DCDC1: variants seen among roughly 807,000 people sequenced by gnomAD.
DCDC1 encodes doublecortin domain containing 1.
Under a neutral mutation model 178.3 loss-of-function variants are expected in DCDC1, and 200 were observed. The ratio of observed to expected loss-of-function variants is 1.12; its 90% CI spans 1.00 to 1.26. The LOEUF (loss-of-function observed/expected upper bound fraction) is 1.26, where lower values mean the gene tolerates loss of function less well. Ranked by LOEUF, DCDC1 falls within the 50% of genes most tolerant of loss-of-function variation. The pLI is 0.00. For missense variants in DCDC1, 1,983 were observed against 1,749.2 expected, an observed-to-expected ratio of 1.13 and a Z score of -2.38; for synonymous variants, 690 against 604.8, an observed-to-expected ratio of 1.14 and a Z score of -2.07.
At chr11:31,198,184 G>C (rs900760295) in intron 9 of DCDC1, among the ~76,000 whole-genome samples, 1 of 151,908 alleles carries the variant, frequency 6.6e-6, no homozygotes, top group African/African-American at 2.4e-5. Context: ...AAGTATATAT[G>C]TAAAGGGTTG....
chr11:31,087,570 T>C (rs2135630813), intron 17 of DCDC1, among the ~76,000 whole-genome samples: 1 of 152,270 alleles, frequency 6.6e-6, no homozygotes, highest in Admixed American at 6.5e-5. Context: ...TACTTGCTAA[T>C]TTCCATTTTG....
At chr11:31,243,150 A>G (rs554733693) in intron 8 of DCDC1, among the ~76,000 whole-genome samples, 1 of 151,896 alleles carries the variant, frequency 6.6e-6, no homozygotes, top group East Asian at 1.9e-4. Context: ...AATATTATAA[A>G]AGCAATAAAA....
intron 20 of DCDC1, among the ~76,000 whole-genome samples, chr11:31,055,269 C>A (rs1340108560): frequency 6.6e-6 from 1 of 152,140 alleles, no homozygotes; most frequent in Non-Finnish European, 1.5e-5. Context: ...AAATGCAAAT[C>A]AAAACCACAA....
At chr11:31,078,179 A>C (rs1403217296) in intron 17 of DCDC1, among the ~76,000 whole-genome samples, 1 of 152,222 alleles carries the variant, frequency 6.6e-6, no homozygotes, top group Non-Finnish European at 1.5e-5. Context: ...AACAGTGATC[A>C]AAAGTTTTAG....
chr11:31,362,874 C>T (rs914064345), intron 1 of DCDC1, among the ~76,000 whole-genome samples: 1 of 152,108 alleles, frequency 6.6e-6, no homozygotes, highest in Admixed American at 6.6e-5. Flanking sequence ...CTGTTTTTCT[C>T]AGTCTCTAAC....
intron 8 of DCDC1, chr11:31,263,103 T>C: frequency 6.2e-7 from 1 of 1,609,100 alleles, no homozygotes. Flanking sequence ...TGTTATACCA[T>C]ATTTGGGAGG....
intron 36 of DCDC1, among the ~76,000 whole-genome samples, chr11:30,892,463 ACTCTGT>A (rs1354935601): frequency 6.6e-6 from 1 of 152,034 alleles, no homozygotes; most frequent in East Asian, 1.9e-4. Context: ...ACAGAGTGAG[ACTCTGT>A]CTCAAATAAA....
intron 20 of DCDC1, among the ~76,000 whole-genome samples, chr11:31,060,181 G>A (rs1955832593): frequency 6.6e-6 from 1 of 152,012 alleles, no homozygotes; most frequent in African/African-American, 2.4e-5. Flanking sequence ...ATAATAAATT[G>A]AGAACCAAAC....
rs888534705 is a variant in DCDC1, at chr11:30,931,989, C to G, written c.2716-37G>C. On this transcript the variant is annotated intron_variant, in intron 21 of 38. Transcript: ENST00000684477. The stretch of plus-strand genomic sequence containing the variant: ...AATGACAAAAACATAATAATAAATA[C>G]AGAAGAAGGGTCATGTCTAGATTTT... 7 of 1,563,138 alleles carry G rather than the reference C, an allele frequency of 4.5e-6. No individual in the cohort carries two copies. The African/African-American group carries it at 8.2e-5, about 18-fold the overall frequency.
intron 10 of DCDC1, among the ~76,000 whole-genome samples, chr11:31,131,619 C>A (rs1475927556): frequency 6.6e-6 from 1 of 152,104 alleles, no homozygotes; most frequent in Non-Finnish European, 1.5e-5. Flanking sequence ...TTATGGTTAT[C>A]TGATGAAATT....
chr11:31,092,991 T>A (rs1957907797), intron 16 of DCDC1, among the ~76,000 whole-genome samples: 1 of 152,192 alleles, frequency 6.6e-6, no homozygotes, highest in Non-Finnish European at 1.5e-5. Flanking sequence ...ATCTGCACAG[T>A]TCTTGTAACA....
At chr11:31,324,036 A>T (rs1462080066) in intron 3 of DCDC1, among the ~76,000 whole-genome samples, 1 of 152,142 alleles carries the variant, frequency 6.6e-6, no homozygotes, top group Non-Finnish European at 1.5e-5. Context: ...AGTTTGGCCT[A>T]AAAATGTGTA....
chr11:30,921,999 GC>G (rs1946278046), intron 24 of DCDC1, among the ~76,000 whole-genome samples: 1 of 152,152 alleles, frequency 6.6e-6, no homozygotes, highest in Non-Finnish European at 1.5e-5. Flanking sequence ...CAGAGAGAAG[GC>G]TGAATCAGGG....
intron 20 of DCDC1, among the ~76,000 whole-genome samples, chr11:31,048,319 AAG>A (rs1954995815): frequency 6.6e-6 from 1 of 152,244 alleles, no homozygotes; most frequent in Admixed American, 6.5e-5. Context: ...ATCATAGAAT[AAG>A]AGAGAACACA....
chr11:31,309,516 G>A (rs929785048), intron 3 of DCDC1, among the ~76,000 whole-genome samples: 1 of 152,044 alleles, frequency 6.6e-6, no homozygotes, highest in Admixed American at 6.6e-5. Flanking sequence ...AGCTTCACAC[G>A]GTTACCAAGC....
chr11:31,153,886 C>T (rs1049123141), intron 9 of DCDC1, among the ~76,000 whole-genome samples: 1 of 152,030 alleles, frequency 6.6e-6, no homozygotes, highest in Non-Finnish European at 1.5e-5. Flanking sequence ...CACACACTCT[C>T]ACACCTGTGC....
chr11:30,994,436 T>G (rs966032129), intron 20 of DCDC1, among the ~76,000 whole-genome samples: 2 of 151,364 alleles, frequency 1.3e-5, no homozygotes, highest in African/African-American at 4.9e-5. Flanking sequence ...AAACTACAGG[T>G]ACCCACGACC....
intron 36 of DCDC1, among the ~76,000 whole-genome samples, chr11:30,888,062 G>GAAAGAAAGAAAGAAAGAA (rs1363691155): frequency 1.3e-3 from 64 of 48,690 alleles, no homozygotes; most frequent in African/African-American, 5.7e-3. Flanking sequence ...AAGAAAGAAA[G>GAAAGAAAGAAAGAAAGAA]AGAGAGAGAG....
chr11:31,181,377 C>T (rs1388890854), intron 9 of DCDC1, among the ~76,000 whole-genome samples: 3 of 152,240 alleles, frequency 2.0e-5, no homozygotes, highest in African/African-American at 7.2e-5. Flanking sequence ...AAGGAACAGA[C>T]TGCCTGCTCA....
Sources: allele counts gnomAD v4.1 joint callset (sites outside exome capture counted in the v4.1 genomes callset), GRCh38; gene constraint gnomAD v4.1.1; transcripts MANE v1.5; gene names NCBI Gene and HGNC (gene_info 2026-07-23, HGNC 2026-07-21).